The following MIB1 variants were observed in gnomAD, a reference collection of about 807,000 sequenced individuals.
MIB1 encodes E3 ubiquitin-protein ligase MIB1.
A neutral mutation model predicts 124.5 loss-of-function variants in MIB1; 278 were observed. The observed-to-expected ratio is 2.23, with a 90% confidence interval of 2.02 to 2.47. The LOEUF (loss-of-function observed/expected upper bound fraction) is 2.47, where lower values mean the gene tolerates loss of function less well. MIB1 is among the 30% of genes most tolerant of loss of function. MIB1 has a pLI of 0.00. For missense variants in MIB1, 957 were observed against 1,254.4 expected, an observed-to-expected ratio of 0.76 and a Z score of 3.58; for synonymous variants, 446 against 429.4, an observed-to-expected ratio of 1.04 and a Z score of -0.48.
intron 1 of MIB1, among the ~76,000 whole-genome samples, chr18:21,719,700 G>A (rs963498285): frequency 8.7e-5 from 13 of 148,806 alleles, no homozygotes; most frequent in African/African-American, 2.5e-4. Context: ...CTCATGATCC[G>A]CCCTCCTTGG....
At chr18:21,746,438 C>T (rs562575026) in intron 1 of MIB1, among the ~76,000 whole-genome samples, 12 of 152,238 alleles carry the variant, frequency 7.9e-5, no homozygotes, top group East Asian at 1.9e-4. Flanking sequence ...AGTGATATAA[C>T]GTCTGTCTTG....
chr18:21,799,150 T>G (rs913908080), intron 8 of MIB1, among the ~76,000 whole-genome samples: 15 of 152,038 alleles, frequency 9.9e-5, no homozygotes, highest in Admixed American at 6.6e-5. Flanking sequence ...CTTGCCCTAT[T>G]TTGTGATTTC....
intron 4 of MIB1, among the ~76,000 whole-genome samples, chr18:21,776,261 C>A (rs376860688): frequency 3.9e-3 from 415 of 105,676 alleles, no homozygotes; most frequent in African/African-American, 0.014. Flanking sequence ...AGAGAGAGAC[C>A]CTGTCTCAAA....
At chr18:21,791,256 A>G (rs373086710) in intron 6 of MIB1, 118 bp from the exon 7 acceptor site, 23 of 700,470 alleles carry the variant, frequency 3.3e-5, no homozygotes, top group African/African-American at 3.1e-4. Context: ...AATAAACACA[A>G]ATCATTCAGG....
Position 21,803,943 on chromosome 18 carries a change from G to C in MIB1, c.1408G>C (p.Ala470Pro). The change falls in exon 10 of 21, where the codon GCT (alanine) becomes CCT (proline). Residue 470 changes from alanine to proline, a missense_variant. By Grantham distance (27) the Ala-to-Pro change is conservative. Coordinates refer to ENST00000261537, the MANE Select transcript of MIB1 (RefSeq NM_020774.4). Reference sequence around the variant, plus strand: ...ATGTGCTGGCCACACAGCTATGCAAGCTGCTAGTCAGAATGGACATGTTGA... The same window carrying C: ...ATGTGCTGGCCACACAGCTATGCAACCTGCTAGTCAGAATGGACATGTTGA... Reference protein sequence around the residue: ...GQCAGHTAMQAASQNGHVDIL... With the variant: ...GQCAGHTAMQPASQNGHVDIL... 1 of 1,613,706 alleles carries C rather than the reference G, an allele frequency of 6.2e-7. No individual in the cohort carries two copies. The highest frequency in any genetic ancestry group is 8.5e-7 in the Non-Finnish European group (1 of 1,179,814).
chr18:21,755,558 G>T (rs1180608965), intron 1 of MIB1, among the ~76,000 whole-genome samples: 1 of 151,996 alleles, frequency 6.6e-6, no homozygotes, highest in Non-Finnish European at 1.5e-5. Context: ...CTCGTGATCC[G>T]CCTGCCTCAG....
intron 7 of MIB1, among the ~76,000 whole-genome samples, chr18:21,795,556 A>C (rs2041569180): frequency 6.6e-6 from 1 of 151,462 alleles, no homozygotes; most frequent in South Asian, 2.1e-4. Flanking sequence ...GACCTCTTTG[A>C]ATATGTCTTG....
Position 21,768,741 on chromosome 18 carries a change from C to T in MIB1, c.520C>T (p.Arg174Cys), listed in dbSNP as rs748874326. ...GGAAGATCAAGATGGAGGAAATGGA[C>T]GTAGGGGAAAGGTACAGTGTTTCTC... ...QWEDQDGGNG[R>C]RGKVTEIQDW... The change falls in exon 3 of 21, where the codon CGT becomes TGT. Residue 174 changes from arginine to cysteine, a missense_variant. Physicochemically the swap from Arg to Cys is radical, Grantham distance 180 (BLOSUM62 -3). Transcript: ENST00000261537. The T allele has an allele frequency of 1.7e-5, 28 of 1,609,848 alleles. No individual in the cohort carries two copies. The highest frequency in any genetic ancestry group is 2.2e-5 in the Non-Finnish European group (26 of 1,177,914).
upstream of MIB1, among the ~76,000 whole-genome samples, chr18:21,737,648 GAC>G (rs750900264): frequency 6.6e-6 from 1 of 152,044 alleles, no homozygotes; most frequent in Non-Finnish European, 1.5e-5. Flanking sequence ...CATGTACAAA[GAC>G]ACACATAGGC....
chr18:21,815,419 G>T (rs907375852), intron 10 of MIB1, among the ~76,000 whole-genome samples, 197 bp from the exon 11 acceptor site: 2 of 152,110 alleles, frequency 1.3e-5, no homozygotes, highest in South Asian at 4.1e-4. Flanking sequence ...TTGGCCTCAA[G>T]TGATCCTTCT....
In MIB1 at chr18:21,844,264, A is replaced by G. The variant is rs757205459; in HGVS notation, c.2211+11A>G. On this transcript the variant is annotated intron_variant, in intron 15 of 20. Coordinates refer to ENST00000261537, the MANE Select transcript of MIB1 (RefSeq NM_020774.4). Reference sequence around the variant, plus strand: ...CCATCCAAAAACACGGTGAGTAAAGATCATCTTTCATTCAGTACCAGTGGA... The same window carrying G: ...CCATCCAAAAACACGGTGAGTAAAGGTCATCTTTCATTCAGTACCAGTGGA... 1.5e-5 allele frequency: 24 copies of G among 1,613,074 alleles called. No homozygotes were observed. The highest frequency in any genetic ancestry group is 2.0e-5 in the Non-Finnish European group (24 of 1,179,402).
At chr18:21,860,340 A>T (rs2042266506) in intron 20 of MIB1, among the ~76,000 whole-genome samples, 1 of 151,812 alleles carries the variant, frequency 6.6e-6, no homozygotes, top group Admixed American at 6.6e-5. Flanking sequence ...GCCTCAAGGG[A>T]TCTACACACC....
chr18:21,852,435 C>T (rs887326311), intron 17 of MIB1, among the ~76,000 whole-genome samples: 5 of 152,158 alleles, frequency 3.3e-5, no homozygotes, highest in Non-Finnish European at 7.4e-5. Flanking sequence ...AGGTGAAAGA[C>T]AGATGAGTAG....
At chr18:21,716,626 C>T (rs1002762377) in intron 1 of MIB1, among the ~76,000 whole-genome samples, 2 of 152,058 alleles carry the variant, frequency 1.3e-5, no homozygotes, top group African/African-American at 4.8e-5. Context: ...CTGAGGTGGG[C>T]GGATCACGAG....
intron 15 of MIB1, among the ~76,000 whole-genome samples, chr18:21,845,919 G>T (rs1259706446): frequency 2.0e-5 from 3 of 152,032 alleles, no homozygotes; most frequent in Non-Finnish European, 4.4e-5. Flanking sequence ...CACCACACTC[G>T]GCTGAAAAGA....
intron 6 of MIB1, among the ~76,000 whole-genome samples, chr18:21,782,859 A>G (rs955524456): frequency 2.0e-5 from 3 of 152,152 alleles, no homozygotes; most frequent in Non-Finnish European, 4.4e-5. Flanking sequence ...TTCATTACTG[A>G]AAGTTAAATG....
chr18:21,780,501 T>C (rs2041348618), intron 6 of MIB1, among the ~76,000 whole-genome samples: 1 of 152,242 alleles, frequency 6.6e-6, no homozygotes, highest in African/African-American at 2.4e-5. Context: ...TCTTTCTGTG[T>C]CTGGCTTATT....
At position 21,741,538 on chromosome 18, in the gene MIB1, G is replaced by A. The variant is rs542215308; in HGVS notation, c.-46G>A. 769 of 1,068,976 alleles carry A rather than the reference G, an allele frequency of 7.2e-4. 3 individuals carry two copies. In the African/African-American group the frequency reaches 0.011, roughly 16 times the overall value. The allele number at this position is 1,068,976 out of a possible 1,614,324, so 66.2% of individuals were successfully genotyped here. A position where few individuals can be genotyped will look rare whatever the true frequency, so the allele number is the denominator to read the frequency against. Reference sequence around the variant, plus strand: ...CCCTCACGGGCCCCCCGGCGGCAGCGGCGGCGGCGGCGGCGGCAGCGGCGG... The same window carrying A: ...CCCTCACGGGCCCCCCGGCGGCAGCAGCGGCGGCGGCGGCGGCAGCGGCGG... On this transcript the variant is annotated 5_prime_UTR_variant, in exon 1 of 21. Transcript: ENST00000261537. This position sits in a 1 kb window ranked among gnomAD's most constrained non-coding sequence, Gnocchi z 5.4.
chr18:21,748,303 G>T (rs2040932906), intron 1 of MIB1, among the ~76,000 whole-genome samples: 1 of 151,308 alleles, frequency 6.6e-6, no homozygotes, highest in Non-Finnish European at 1.5e-5. Context: ...ATTGTTCAGT[G>T]CTCTTTTCAA....
Sources: allele counts gnomAD v4.1 joint callset (sites outside exome capture counted in the v4.1 genomes callset), GRCh38; gene constraint gnomAD v4.1.1; non-coding constraint Gnocchi (gnomAD v3.1); transcripts MANE v1.5; gene names NCBI Gene and HGNC (gene_info 2026-07-23, HGNC 2026-07-21).